Variants in PYGB observed in about 807,000 individuals in gnomAD.
PYGB encodes glycogen phosphorylase, brain form.
A neutral mutation model predicts 94.3 loss-of-function variants in PYGB; 82 were observed. The ratio of observed to expected loss-of-function variants is 0.87; its 90% confidence interval spans 0.73 to 1.04. The LOEUF is 1.04. Among genes scored for constraint, PYGB ranks in the 50% least tolerant of loss-of-function variants. The pLI is 0.00. For missense variants in PYGB, 1,132 were observed against 1,158.2 expected, an observed-to-expected ratio of 0.98 and a Z score of 0.33; for synonymous variants, 488 against 479.1, an observed-to-expected ratio of 1.02 and a Z score of -0.24.
chr20:25,297,027 C>T lies in PYGB; in HGVS notation c.*505C>T, dbSNP rs200220651. On this transcript the variant is annotated 3_prime_UTR_variant, in exon 20 of 20. Coordinates refer to ENST00000216962, the MANE Select transcript of PYGB (RefSeq NM_002862.4). The stretch of plus-strand genomic sequence containing the variant: ...GCCCAGCCCTGCCTCCTGGCCATGC[C>T]GGGAGGGGTCGGATCCTCTAGGCAT... 5.5e-5 allele frequency: 9 copies of T among 163,004 alleles called. No individual in the cohort carries two copies. Among genetic ancestry groups the T allele is most frequent in the Admixed American group, 5.6e-5 (1 of 17,706 alleles). The allele number at this position is 163,004 out of a possible 1,614,324, so 10.1% of individuals were successfully genotyped here. A position where few individuals can be genotyped will look rare whatever the true frequency, so the allele number is the denominator to read the frequency against.
chr20:25,294,293 G>T lies in PYGB; in HGVS notation c.2312+1G>T. 1 of 1,592,074 alleles carries T rather than the reference G, an allele frequency of 6.3e-7. No individual in the cohort carries two copies. The highest frequency in any genetic ancestry group is 2.3e-5 in the East Asian group (1 of 44,372). ...TGAACATGCTGATGCACCATGACAGGTGGGACCGACTTCCCTGGTTGGGTG... is the reference window on the plus strand; with the variant it reads ...TGAACATGCTGATGCACCATGACAGTTGGGACCGACTTCCCTGGTTGGGTG... On this transcript the variant is annotated splice_donor_variant, in intron 18 of 19. Coordinates refer to ENST00000216962, the MANE Select transcript of PYGB (RefSeq NM_002862.4). LOFTEE classifies it high-confidence loss of function.
chr20:25,274,775 G>C (rs982994262), intron 5 of PYGB, 52 bp downstream of exon 5: 3 of 1,588,308 alleles, frequency 1.9e-6, no homozygotes, highest in Non-Finnish European at 2.6e-6. Flanking sequence ...TGAGGGGGCT[G>C]CTGCGGCTCA....
chr20:25,272,729 C>T (rs996566022), intron 4 of PYGB, among the ~76,000 whole-genome samples: 1 of 152,190 alleles, frequency 6.6e-6, no homozygotes, highest in Non-Finnish European at 1.5e-5. Flanking sequence ...CCACTGCCTC[C>T]GGACAGCTCT....
chr20:25,250,283 A>G (rs1035915650), intron 1 of PYGB, among the ~76,000 whole-genome samples: 14 of 152,272 alleles, frequency 9.2e-5, no homozygotes, highest in African/African-American at 3.4e-4. Context: ...ATTTATGTAT[A>G]ATCACATCCT....
At chr20:25,278,039 A>G (rs1387832052) in intron 7 of PYGB, among the ~76,000 whole-genome samples, 1 of 152,222 alleles carries the variant, frequency 6.6e-6, no homozygotes, top group East Asian at 1.9e-4. Flanking sequence ...AGCCCCAGGT[A>G]CAGAATGTTC....
intron 18 of PYGB, 125 bp downstream of exon 18, chr20:25,294,417 T>C: frequency 4.0e-6 from 5 of 1,251,354 alleles, no homozygotes; most frequent in Non-Finnish European, 5.5e-6. Flanking sequence ...TCTTCTCCAC[T>C]GTGCCCATGA....
Position 25,294,222 on chromosome 20 carries a change from A to G in PYGB, c.2242A>G (p.Ser748Gly). The G allele has an allele frequency of 6.2e-7, 1 of 1,606,528 alleles. No homozygotes were observed. The highest frequency in any genetic ancestry group is 8.5e-7 in the Non-Finnish European group (1 of 1,175,378). The change falls in exon 18 of 20, where the codon AGT (serine) becomes GGT (glycine). Residue 748 changes from serine to glycine, a missense_variant. By Grantham distance (56) the Ser-to-Gly change is moderately conservative (BLOSUM62 0). Transcript: ENST00000216962. Reference protein sequence around the residue: ...ELKQAVDQISSGFFSPKEPDC... With the variant: ...ELKQAVDQISGGFFSPKEPDC... ...GAAGCAGGCCGTGGACCAGATCAGC[A>G]GTGGCTTTTTTTCTCCCAAGGAGCC...
At chr20:25,281,848 G>T (rs535069362) in intron 11 of PYGB, among the ~76,000 whole-genome samples, 185 bp from the exon 12 acceptor site, 1 of 152,362 alleles carries the variant, frequency 6.6e-6, no homozygotes, top group African/African-American at 2.4e-5. Context: ...CCGGGGTGCA[G>T]GTGCTGCCTT....
At chr20:25,265,511 A>G (rs143532830) in intron 2 of PYGB, among the ~76,000 whole-genome samples, 1 of 151,706 alleles carries the variant, frequency 6.6e-6, no homozygotes, top group African/African-American at 2.4e-5. Flanking sequence ...CTTGTGGGCC[A>G]TTTGTATATC....
chr20:25,293,674 T>G (rs2088495992), intron 17 of PYGB, among the ~76,000 whole-genome samples: 1 of 152,220 alleles, frequency 6.6e-6, no homozygotes, highest in Admixed American at 6.5e-5. Flanking sequence ...TGCCCATGTC[T>G]GCCCGTCCGT....
chr20:25,255,525 T>C (rs1299476897), intron 1 of PYGB, among the ~76,000 whole-genome samples: 1 of 152,196 alleles, frequency 6.6e-6, no homozygotes, highest in Non-Finnish European at 1.5e-5. Context: ...AGTGCCTGGG[T>C]GGCAGGGAGG....
At chr20:25,279,430 A>G (rs1460273437) in intron 9 of PYGB, among the ~76,000 whole-genome samples, 2 of 152,144 alleles carry the variant, frequency 1.3e-5, no homozygotes, top group African/African-American at 4.8e-5. Context: ...ATTTGGTGAC[A>G]GCTCCCCAAA....
chr20:25,285,487 T>C (rs1365351373), intron 14 of PYGB: 4 of 151,800 alleles, frequency 2.6e-5, no homozygotes, highest in African/African-American at 9.7e-5. Context: ...TCGTCAGTTG[T>C]TGCATCGTCT....
At chr20:25,271,591 G>GGCGTGGGA in intron 4 of PYGB, 105 bp downstream of exon 4, 1 of 1,279,472 alleles carries the variant, frequency 7.8e-7, no homozygotes, top group Non-Finnish European at 1.1e-6. Flanking sequence ...CCCGCCAGGG[G>GGCGTGGGA]ACTGCAGGCC....
intron 4 of PYGB, among the ~76,000 whole-genome samples, chr20:25,272,008 G>T (rs1036627793): frequency 1.1e-4 from 16 of 152,198 alleles, no homozygotes; most frequent in Non-Finnish European, 2.1e-4. Context: ...AGTGGCCCTT[G>T]GAAGGAGTGA....
At position 25,292,608 on chromosome 20, in the gene PYGB, G is replaced by T; in HGVS notation, c.2172G>T (p.Arg724=). The T allele has an allele frequency of 6.2e-7, 1 of 1,611,034 alleles. No homozygotes were observed. The highest frequency in any genetic ancestry group is 8.5e-7 in the Non-Finnish European group (1 of 1,179,836). The change falls in exon 17 of 20, where the codon CGG becomes CGT. Residue 724 remains arginine (R), a synonymous_variant. Transcript: ENST00000216962. The part of the protein sequence containing the change: ...LRVEDVEALD[R]KGYNAREYYD... ...TGGAGGATGTCGAGGCCTTGGACCG[G>T]AAAGGGTGCGAGCCTGTGCCCCTGG...
rs144269124 is a variant in PYGB, at chr20:25,258,817, C to T, written c.244-420C>T. Among the ~76,000 whole-genome samples, 303 of 152,382 alleles carry T rather than the reference C, an allele frequency of 2.0e-3. 1 individual carries two copies. Among genetic ancestry groups the T allele is most frequent in the African/African-American group, 7.1e-3 (297 of 41,590 alleles). On this transcript the variant is annotated intron_variant, in intron 1 of 19. Transcript: ENST00000216962. ...TGTGCTCAGGGCTTTCCATTGAGTACTTGAAGACATGGCCTGTGTTACATC... is the reference window on the plus strand; with the variant it reads ...TGTGCTCAGGGCTTTCCATTGAGTATTTGAAGACATGGCCTGTGTTACATC...
At chr20:25,278,957 G>A in intron 8 of PYGB, 100 bp from the exon 9 acceptor site, 2 of 1,167,820 alleles carry the variant, frequency 1.7e-6, no homozygotes, top group Non-Finnish European at 2.4e-6. Flanking sequence ...GGTGGGGTGG[G>A]CTGGGCTGGC....
chr20:25,248,492 G>A, intron 1 of PYGB, 71 bp downstream of exon 1: 1 of 1,287,562 alleles, frequency 7.8e-7, no homozygotes, highest in Non-Finnish European at 9.8e-7. Flanking sequence ...GCGCCAGCGG[G>A]GGTCTCTGCG....
Sources: allele counts gnomAD v4.1 joint callset (sites outside exome capture counted in the v4.1 genomes callset), GRCh38; gene constraint gnomAD v4.1.1; transcripts MANE v1.5; gene names NCBI Gene and HGNC (gene_info 2026-07-23, HGNC 2026-07-21).